Variants in SRCIN1 observed in about 807,000 individuals in gnomAD.
The protein encoded by SRCIN1 is P130Cas-associated protein.
In SRCIN1, 50 loss-of-function variants were observed where a neutral mutation model predicts 116.2. That is an observed-to-expected ratio of 0.43 (90% CI 0.34 to 0.54). The LOEUF is 0.54. Among genes scored for constraint, SRCIN1 ranks in the 20% least tolerant of loss-of-function variants. The pLI is 0.02. For missense variants in SRCIN1, 1,446 were observed against 1,672.0 expected, an observed-to-expected ratio of 0.86 and a Z score of 2.36; for synonymous variants, 736 against 750.0, an observed-to-expected ratio of 0.98 and a Z score of 0.30.
At chr17:38,570,254 T>C (rs1250944960) in intron 2 of SRCIN1, among the ~76,000 whole-genome samples, 3 of 152,128 alleles carry the variant, frequency 2.0e-5, no homozygotes, top group Non-Finnish European at 4.4e-5. Flanking sequence ...CCCCCACTCA[T>C]ACACAAACGT....
At position 38,564,140 on chromosome 17, in the gene SRCIN1, G is replaced by C; in HGVS notation, c.519C>G (p.Ser173Arg). The change falls in exon 4 of 19, where the codon AGC becomes AGG. Residue 173 changes from serine (S) to arginine (R), a missense_variant. Coordinates refer to ENST00000617146, the MANE Select transcript of SRCIN1 (RefSeq NM_025248.3). ...RQSLPLSRSA[S>R]QTKLRSPGVL... ...TACCTGGGGAGCGCAGCTTGGTCTG[G>C]CTGGCCGAGCGGGAGAGAGGCAGGC... 6.2e-7 allele frequency: 1 copy of C among 1,600,366 alleles called. No homozygotes were observed. Among genetic ancestry groups the C allele is most frequent in the Non-Finnish European group, 8.5e-7 (1 of 1,174,308 alleles).
intron 1 of SRCIN1, among the ~76,000 whole-genome samples, chr17:38,603,320 C>T (rs1483297222): frequency 6.6e-6 from 1 of 151,848 alleles, no homozygotes; most frequent in Non-Finnish European, 1.5e-5. Flanking sequence ...TGGAACCCAG[C>T]AGGGATGAGG....
chr17:38,552,358 G>C lies in SRCIN1; in HGVS notation c.2480+89C>G, dbSNP rs963304533. On this transcript the variant is annotated intron_variant, in intron 13 of 18. Transcript: ENST00000617146. The surrounding 1 kb of genome is among the most constrained non-coding windows in gnomAD (Gnocchi z 5.3). ...CCAGTCGGCACGCCAGTGACCTTTG[G>C]GGGAGTTGGGGTAAGGGTTCAGTAT... The C allele has an allele frequency of 5.4e-5, 81 of 1,493,046 alleles. No individual in the cohort carries two copies. In the African/African-American group the frequency reaches 1.1e-3, roughly 20 times the overall value. The allele number at this position is 1,493,046 out of a possible 1,614,324, so 92.5% of individuals were successfully genotyped here. A position where few individuals can be genotyped will look rare whatever the true frequency, so the allele number is the denominator to read the frequency against.
intron 1 of SRCIN1, among the ~76,000 whole-genome samples, chr17:38,579,791 G>A (rs980839804): frequency 2.6e-5 from 4 of 152,192 alleles, no homozygotes; most frequent in East Asian, 1.9e-4. Context: ...CTGCTGGCCC[G>A]CACTCTCCAG....
chr17:38,543,496 G>C (rs1009258580), intron 18 of SRCIN1, among the ~76,000 whole-genome samples: 2 of 152,200 alleles, frequency 1.3e-5, no homozygotes, highest in Non-Finnish European at 2.9e-5. Flanking sequence ...GGGGCTGCTG[G>C]AGTCACAAAC....
chr17:38,561,177 G>A (rs1439082163), intron 7 of SRCIN1, among the ~76,000 whole-genome samples: 1 of 152,188 alleles, frequency 6.6e-6, no homozygotes, highest in Non-Finnish European at 1.5e-5. Flanking sequence ...GGGAAACCGA[G>A]GCTTAGAAAA....
rs879270527 is a variant in SRCIN1 at position 38,585,263 on chromosome 17, CCACACACACA to C, written c.23-6482_23-6473del. On this transcript the variant is annotated intron_variant, in intron 1 of 18. Transcript: ENST00000617146. This position sits in a 1 kb window ranked among gnomAD's most constrained non-coding sequence, Gnocchi z 4.2. ...AGGACCTGCCTGCCTTAGGCCACAC[CCACACACACA>C]CACAAACACACAGCATGAGGCTCCC... Among the ~76,000 whole-genome samples, 1 of 151,674 alleles carries C rather than the reference CCACACACACA, an allele frequency of 6.6e-6. No homozygotes were observed. Among genetic ancestry groups the C allele is most frequent in the African/African-American group, 2.4e-5 (1 of 41,308 alleles).
rs1905296164 is a variant in SRCIN1, at chr17:38,550,246, G to A, written c.2962+909C>T. 2.0e-5 allele frequency among the ~76,000 whole-genome samples: 3 copies of A among 152,182 alleles called. No individual in the cohort carries two copies. In the South Asian group the frequency reaches 6.2e-4, roughly 32 times the overall value. On this transcript the variant is annotated intron_variant, in intron 15 of 18. Transcript: ENST00000617146. ...GTGGTGGCTCAAGTCTGTAATCCCAGCACTTTGGGAGGCCAAGGTGGGCGG... is the reference window on the plus strand; with the variant it reads ...GTGGTGGCTCAAGTCTGTAATCCCAACACTTTGGGAGGCCAAGGTGGGCGG...
chr17:38,549,187 G>A lies in SRCIN1; in HGVS notation c.2986C>T (p.Arg996Cys), dbSNP rs763311250. The change falls in exon 16 of 19, where the codon CGC (arginine) becomes TGC (cysteine). Residue 996 changes from arginine to cysteine, a missense_variant. Coordinates refer to ENST00000617146, the MANE Select transcript of SRCIN1 (RefSeq NM_025248.3). ...GGCGACTTGGAGGGCTTCTCTGTGC[G>A]GTATCGGGGCACGGTCAACTCATCT... ...GSDELTVPRY[R>C]TEKPSKSPPP... The A allele has an allele frequency of 3.9e-6, 6 of 1,557,380 alleles. No homozygotes were observed. The highest frequency in any genetic ancestry group is 1.4e-5 in the African/African-American group (1 of 73,438).
chr17:38,538,864 C>G (rs1904554969), intron 18 of SRCIN1, among the ~76,000 whole-genome samples: 1 of 152,102 alleles, frequency 6.6e-6, no homozygotes, highest in Admixed American at 6.6e-5. Context: ...ACCGTGTGAC[C>G]CTAATCGCAT....
intron 1 of SRCIN1, among the ~76,000 whole-genome samples, chr17:38,587,710 G>A (rs1567880664): frequency 1.3e-5 from 2 of 152,140 alleles, no homozygotes; most frequent in Non-Finnish European, 2.9e-5. Context: ...AGGATCAGCA[G>A]CAAGGCAGAA....
chr17:38,567,602 G>A (rs1223918289), intron 3 of SRCIN1, among the ~76,000 whole-genome samples: 2 of 152,072 alleles, frequency 1.3e-5, no homozygotes, highest in Admixed American at 6.5e-5. Context: ...GCTCTCCCAG[G>A]GGTCAACAGG....
Position 38,563,483 on chromosome 17 carries a change from C to G in SRCIN1, c.580G>C (p.Val194Leu), listed in dbSNP as rs1312943109. 3 of 1,554,032 alleles carry G rather than the reference C, an allele frequency of 1.9e-6. No individual in the cohort carries two copies. The highest frequency in any genetic ancestry group is 2.6e-6 in the Non-Finnish European group (3 of 1,148,558). Residue 194 changes from valine (V) to leucine (L), a missense_variant, in exon 5 of 19, where the codon GTG becomes CTG. Val to Leu is a conservative substitution (Grantham distance 32). Coordinates refer to ENST00000617146, the MANE Select transcript of SRCIN1 (RefSeq NM_025248.3). This position sits in a 1 kb window ranked among gnomAD's most constrained non-coding sequence, Gnocchi z 5.8. ...CTGCTGACCTCGTGCGTGATGTGCA[C>G]GCGCCGAGTCTCCTCCCCGAACTGC... is the stretch of plus-strand genomic sequence containing the variant. ...FLQFGEETRR[V>L]HITHEVSSLD...
chr17:38,557,828 C>T (rs1242826390), intron 11 of SRCIN1, among the ~76,000 whole-genome samples: 1 of 152,166 alleles, frequency 6.6e-6, no homozygotes, highest in Non-Finnish European at 1.5e-5. Context: ...GGAGCAGTGA[C>T]GGCACCTGAA....
Position 38,562,161 on chromosome 17 carries a change from C to T in SRCIN1, c.1002G>A (p.Gly334=), listed in dbSNP as rs2143189475. The change falls in exon 7 of 19, where the codon GGG becomes GGA. Residue 334 remains glycine (G), a synonymous_variant. Transcript: ENST00000617146. This position sits in a 1 kb window ranked among gnomAD's most constrained non-coding sequence, Gnocchi z 4.2. ...SPSRSRLSYA[G]GRPPSYAGSP... ...TGCCGGCGTACGAAGGCGGGCGCCCCCCGGCGTACGATAGGCGCGAACGCG... is the reference window on the plus strand; with the variant it reads ...TGCCGGCGTACGAAGGCGGGCGCCCTCCGGCGTACGATAGGCGCGAACGCG... 2 of 1,368,160 alleles carry T rather than the reference C, an allele frequency of 1.5e-6. No homozygotes were observed. Among genetic ancestry groups the T allele is most frequent in the Non-Finnish European group, 1.9e-6 (2 of 1,068,814 alleles). The allele number at this position is 1,368,160 out of a possible 1,614,324, so 84.8% of individuals were successfully genotyped here. A position where few individuals can be genotyped will look rare whatever the true frequency, so the allele number is the denominator to read the frequency against.
intron 11 of SRCIN1, among the ~76,000 whole-genome samples, chr17:38,556,281 G>C (rs1905784059): frequency 6.6e-6 from 1 of 152,230 alleles, no homozygotes; most frequent in South Asian, 2.1e-4. Flanking sequence ...CCAAGCATGG[G>C]GCTCCGCGTG....
chr17:38,534,887 G>C (rs2040977948), intron 18 of SRCIN1, among the ~76,000 whole-genome samples: 1 of 152,188 alleles, frequency 6.6e-6, no homozygotes, highest in Admixed American at 6.5e-5. Context: ...CAGCACTTCA[G>C]GAGGCTGAGG....
intron 1 of SRCIN1, among the ~76,000 whole-genome samples, 174 bp downstream of exon 1, chr17:38,605,510 G>A (rs1280630176): frequency 6.7e-6 from 1 of 149,222 alleles, no homozygotes; most frequent in Non-Finnish European, 1.5e-5. Context: ...GGCGCACAGC[G>A]GTCCCCTGCC....
rs1193115537 is a variant in SRCIN1 at position 38,563,257 on chromosome 17, G to A, written c.740+66C>T. Reference sequence around the variant, plus strand: ...GAAGGAGCTGGGGAAGGGCCGGCGGGGTCCAGCACCCTGCAGAGGAGGAGC... The same window carrying A: ...GAAGGAGCTGGGGAAGGGCCGGCGGAGTCCAGCACCCTGCAGAGGAGGAGC... On this transcript the variant is annotated intron_variant, in intron 5 of 18. Coordinates refer to ENST00000617146, the MANE Select transcript of SRCIN1 (RefSeq NM_025248.3). The surrounding 1 kb of genome is among the most constrained non-coding windows in gnomAD (Gnocchi z 5.8). 6 of 1,528,670 alleles carry A rather than the reference G, an allele frequency of 3.9e-6. No individual in the cohort carries two copies. Among genetic ancestry groups the A allele is most frequent in the Non-Finnish European group, 5.3e-6 (6 of 1,133,694 alleles). The allele number at this position is 1,528,670 out of a possible 1,614,324, so 94.7% of individuals were successfully genotyped here.
Sources: gnomAD v4.1 joint callset for allele counts (sites outside exome capture counted in the v4.1 genomes callset) on GRCh38, gnomAD v4.1.1 for gene constraint, Gnocchi (gnomAD v3.1) non-coding constraint, MANE v1.5 for transcripts, NCBI Gene and HGNC (gene_info 2026-07-23, HGNC 2026-07-21) for gene names.